Variants in TEX9 observed in about 807,000 individuals in gnomAD.
The protein encoded by TEX9 is testis expressed 9, also known as testis-expressed protein 9.
Under a neutral mutation model 59.6 loss-of-function variants are expected in TEX9, and 74 were observed. The observed-to-expected ratio is 1.24, with a 90% confidence interval of 1.03 to 1.51. The LOEUF (loss-of-function observed/expected upper bound fraction) is 1.51, where lower values mean the gene tolerates loss of function less well. TEX9 is among the 40% of genes most tolerant of loss of function. TEX9 has a pLI of 0.00. For synonymous variants in TEX9, 186 were observed against 152.2 expected, an observed-to-expected ratio of 1.22 and a Z score of -1.64; for missense variants, 522 against 447.8, an observed-to-expected ratio of 1.17 and a Z score of -1.49.
At chr15:56,406,420 A>G (rs1471429867) in intron 9 of TEX9, among the ~76,000 whole-genome samples, 2 of 152,294 alleles carry the variant, frequency 1.3e-5, no homozygotes, top group Middle Eastern at 3.4e-3. Context: ...ATTTCCATGT[A>G]CAAGTATTCT....
At chr15:56,458,560 C>CATAATAGTGGT in the TEX9 span, among the ~76,000 whole-genome samples, 3 of 152,100 alleles carry the variant, frequency 2.0e-5, 1 homozygote, top group Admixed American at 6.5e-5. Context: ...ATGTATCTAC[C>CATAATAGTGGT]GTACACAATC....
chr15:56,320,665 G>A (rs1273954613), intron 1 of TEX9, among the ~76,000 whole-genome samples: 1 of 152,116 alleles, frequency 6.6e-6, no homozygotes, highest in South Asian at 2.1e-4. Context: ...GTGGAGATAG[G>A]GAGAGTAATA....
chr15:56,412,173 C>CAT, intron 9 of TEX9, 129 bp from the exon 10 acceptor site: 1 of 696,226 alleles, frequency 1.4e-6, no homozygotes, highest in Non-Finnish European at 2.2e-6. Context: ...TACCCCCAAG[C>CAT]GTGTGTGTGT....
chr15:56,281,436 C>A (rs1341148173), intron 1 of TEX9, among the ~76,000 whole-genome samples: 1 of 152,222 alleles, frequency 6.6e-6, no homozygotes, highest in East Asian at 1.9e-4. Flanking sequence ...CTCAAAGGAG[C>A]CCGAACCCTT....
intron 3 of TEX9, among the ~76,000 whole-genome samples, chr15:56,379,079 AAAAAAG>A (rs1198998412): frequency 4.4e-4 from 64 of 146,448 alleles, no homozygotes; most frequent in African/African-American, 1.5e-3. Flanking sequence ...AACAAAAAAA[AAAAAAG>A]AAAGAAAGAA....
In TEX9 at chr15:56,373,137, G is replaced by T. The variant is rs530000764; in HGVS notation, c.120-304G>T. 1.7e-4 allele frequency among the ~76,000 whole-genome samples: 26 copies of T among 152,254 alleles called. 1 individual carries two copies. The East Asian group carries it at 5.0e-3, about 29-fold the overall frequency. The stretch of plus-strand genomic sequence containing the variant: ...TAGGCTAATAACGAGGAGGTGGTGA[G>T]TGGAACAGAGTTGAACTCACCCAGC... On this transcript the variant is annotated intron_variant, in intron 2 of 12. Coordinates refer to ENST00000352903, the Ensembl canonical transcript of TEX9.
At position 56,434,433 on chromosome 15, in the gene TEX9, T is replaced by G. The variant is rs771507494; in HGVS notation, c.*29+5960T>G. 27 of 1,560,444 alleles carry G rather than the reference T, an allele frequency of 1.7e-5. No homozygotes were observed. The African/African-American group carries it at 3.7e-4, about 21-fold the overall frequency. ...GCTGAAAGTTAATTTAGTAACTATT[T>G]CCTTACACCAGATTTATAAGGAAAG... On this transcript the variant is annotated intron_variant, in intron 12 of 12. Coordinates refer to ENST00000352903, the Ensembl canonical transcript of TEX9.
chr15:56,375,232 T>C (rs1335485954), intron 3 of TEX9, among the ~76,000 whole-genome samples: 3 of 152,188 alleles, frequency 2.0e-5, no homozygotes, highest in Admixed American at 6.5e-5. Flanking sequence ...TGGTATCTCA[T>C]TGTGGTTTTG....
At chr15:56,310,560 T>C (rs2045587839) in intron 1 of TEX9, among the ~76,000 whole-genome samples, 1 of 152,200 alleles carries the variant, frequency 6.6e-6, no homozygotes, top group Non-Finnish European at 1.5e-5. Context: ...GGACAGAATC[T>C]TTGTCAACAG....
chr15:56,327,822 T>C (rs1300919134), intron 1 of TEX9, among the ~76,000 whole-genome samples: 1 of 152,190 alleles, frequency 6.6e-6, no homozygotes, highest in East Asian at 1.9e-4. Context: ...ACACCCATTC[T>C]AGCAGTTGGA....
intron 1 of TEX9, among the ~76,000 whole-genome samples, chr15:56,308,472 T>C (rs1288020369): frequency 3.3e-5 from 5 of 152,220 alleles, no homozygotes; most frequent in African/African-American, 9.6e-5. Flanking sequence ...TTATCAGATA[T>C]ATGATTTGCA....
At chr15:56,404,252 A>G (rs1190455303) in intron 9 of TEX9, among the ~76,000 whole-genome samples, 1 of 152,226 alleles carries the variant, frequency 6.6e-6, no homozygotes, top group East Asian at 1.9e-4. Context: ...AACGGCTAAT[A>G]TATACAGAAT....
At chr15:56,441,689 T>A (rs1276425585) in intron 12 of TEX9, among the ~76,000 whole-genome samples, 1 of 152,114 alleles carries the variant, frequency 6.6e-6, no homozygotes, top group African/African-American at 2.4e-5. Flanking sequence ...CCATAATATC[T>A]AAGGAACGTA....
chr15:56,451,552 A>C, the TEX9 span, among the ~76,000 whole-genome samples: 11 of 152,218 alleles, frequency 7.2e-5, no homozygotes, highest in East Asian at 2.1e-3. Context: ...CTACTCTGCT[A>C]TTTTGCTAAT....
At chr15:56,389,990 A>C (rs1013756245) in intron 6 of TEX9, among the ~76,000 whole-genome samples, 5 of 151,908 alleles carry the variant, frequency 3.3e-5, no homozygotes, top group Admixed American at 2.0e-4. Context: ...TAAGTTATTA[A>C]ATTTATTTGT....
At chr15:56,387,988 A>G (rs572493511) in intron 4 of TEX9, among the ~76,000 whole-genome samples, 3 of 152,172 alleles carry the variant, frequency 2.0e-5, no homozygotes, top group Non-Finnish European at 4.4e-5. Flanking sequence ...TACCTGGCAT[A>G]TAAACTTTTA....
At chr15:56,407,322 G>A (rs1480674892) in intron 9 of TEX9, among the ~76,000 whole-genome samples, 3 of 152,112 alleles carry the variant, frequency 2.0e-5, no homozygotes, top group African/African-American at 7.2e-5. Flanking sequence ...CATTAGGAAA[G>A]TCATGTGCAC....
chr15:56,363,534 T>G (rs77726191), upstream of TEX9, among the ~76,000 whole-genome samples: 2,538 of 152,278 alleles, frequency 0.017, 67 homozygotes, highest in African/African-American at 0.057. Context: ...GTTTTAATTT[T>G]CATTTCCCTG....
In TEX9 at chr15:56,257,908, T is replaced by A. The variant is rs187838717; in HGVS notation, c.-107+13630T>A. Among the ~76,000 whole-genome samples the A allele has an allele frequency of 1.2e-3, 189 of 152,152 alleles. 1 individual carries two copies. The highest frequency in any genetic ancestry group is 1.1e-3 in the Non-Finnish European group (76 of 67,984). The stretch of plus-strand genomic sequence containing the variant: ...GTATTGCCTAGGTTTTCTTCTAGGG[T>A]TTTTATAGTTTTAGGTTTTACATTG... On this transcript the variant is annotated intron_variant, in intron 1 of 5. Coordinates refer to the TEX9 transcript ENST00000560827.
Sources: allele counts gnomAD v4.1 joint callset (sites outside exome capture counted in the v4.1 genomes callset), GRCh38; gene constraint gnomAD v4.1.1; transcripts MANE v1.5; gene names NCBI Gene and HGNC (gene_info 2026-07-23, HGNC 2026-07-21).